Variants in SEMA5A observed in about 807,000 individuals in gnomAD.
SEMA5A encodes the protein semaphorin-5A.
In SEMA5A, 55 loss-of-function variants were observed where a neutral mutation model predicts 135.5. The observed-to-expected ratio is 0.41, with a 90% CI of 0.33 to 0.51. The LOEUF (loss-of-function observed/expected upper bound fraction) is 0.51. SEMA5A is among the 20% of genes least tolerant of loss of function. SEMA5A has a pLI of 0.37. For synonymous variants in SEMA5A, 580 were observed against 546.5 expected (o/e 1.06, Z -0.85); for missense variants, 1,290 against 1,419.9 (o/e 0.91, Z 1.47).
At chr5:9,282,579 C>A (rs1461737501) in intron 5 of SEMA5A, among the ~76,000 whole-genome samples, 3 of 152,092 alleles carry the variant, frequency 2.0e-5, no homozygotes, top group African/African-American at 7.2e-5. Flanking sequence ...ATACCTAAAT[C>A]CTAAATACTT....
chr5:9,529,239 A>T (rs533554785), intron 1 of SEMA5A, among the ~76,000 whole-genome samples: 2 of 152,324 alleles, frequency 1.3e-5, no homozygotes, highest in African/African-American at 4.8e-5. Context: ...ACCCACCTGC[A>T]CCTGCCAGCT....
chr5:9,197,764 GTGTGTGTGTGTGTGTGTGTGTTTT>G lies in SEMA5A; in HGVS notation c.933-485_933-462del, dbSNP rs1182299538. On this transcript the variant is annotated intron_variant, in intron 9 of 22. Coordinates refer to ENST00000382496, the MANE Select transcript of SEMA5A (RefSeq NM_003966.3). ...TGTGTGTGTGTGTGTGTGTGTGTGT[GTGTGTGTGTGTGTGTGTGTGTTTT>G]AACCCAGATATTTGTTTTATTTGTC... 2.8e-3 allele frequency among the ~76,000 whole-genome samples: 398 copies of G among 144,030 alleles called. 4 individuals carry two copies. Among genetic ancestry groups the G allele is most frequent in the African/African-American group, 0.01 (385 of 37,580 alleles). 94.5% of individuals were successfully genotyped at this position (144,030 alleles called of 152,430 possible).
intron 1 of SEMA5A, among the ~76,000 whole-genome samples, chr5:9,485,074 G>A (rs1292942447): frequency 6.6e-6 from 1 of 152,106 alleles, no homozygotes; most frequent in Admixed American, 6.6e-5. Context: ...TTAGACTAAT[G>A]TAATTATTCA....
intron 1 of SEMA5A, among the ~76,000 whole-genome samples, chr5:9,503,429 T>A (rs1735696730): frequency 6.6e-6 from 1 of 152,190 alleles, no homozygotes; most frequent in Non-Finnish European, 1.5e-5. Context: ...GACTATCTAT[T>A]TCCATGAAAA....
chr5:9,450,779 A>G (rs1196343296), intron 1 of SEMA5A, among the ~76,000 whole-genome samples: 1 of 152,154 alleles, frequency 6.6e-6, no homozygotes, highest in African/African-American at 2.4e-5. Flanking sequence ...AAGAAACGGA[A>G]AATAGTTTTA....
At chr5:9,103,184 C>T (rs1739722891) in intron 16 of SEMA5A, among the ~76,000 whole-genome samples, 1 of 152,064 alleles carries the variant, frequency 6.6e-6, no homozygotes, top group Non-Finnish European at 1.5e-5. Context: ...TTTTTGGGTA[C>T]CTAACTGGTT....
intron 5 of SEMA5A, among the ~76,000 whole-genome samples, chr5:9,253,188 T>C (rs1309357841): frequency 6.6e-6 from 1 of 152,164 alleles, no homozygotes; most frequent in East Asian, 1.9e-4. Flanking sequence ...AAACAAGTAA[T>C]GCTAACAGAG....
chr5:9,460,732 T>C (rs1227689430), intron 1 of SEMA5A, among the ~76,000 whole-genome samples: 2 of 152,208 alleles, frequency 1.3e-5, no homozygotes, highest in African/African-American at 4.8e-5. Context: ...AAGGGATTGC[T>C]ATCTTCTAAA....
chr5:9,074,705 T>C (rs898600211), intron 16 of SEMA5A, among the ~76,000 whole-genome samples: 1 of 152,130 alleles, frequency 6.6e-6, no homozygotes, highest in Non-Finnish European at 1.5e-5. Context: ...AACAAAGATA[T>C]GTGATGGCAA....
At chr5:9,326,686 G>T (rs538795046) in intron 4 of SEMA5A, among the ~76,000 whole-genome samples, 2 of 152,096 alleles carry the variant, frequency 1.3e-5, no homozygotes, top group South Asian at 4.2e-4. Context: ...GGAGGCTGAG[G>T]CACGAGAATC....
rs529504980 is a variant in SEMA5A at position 9,044,558 on chromosome 5, C to A, written c.2920G>T (p.Val974Leu). ...GEFNMFHMIAVGLSSSILGCL... is the reference protein window; with the variant it reads ...GEFNMFHMIALGLSSSILGCL... ...CCGAGGATGGAGCTGCTCAGCCCCA[C>A]GGCGATCATGTGGAACATGTTGAAC... The change falls in exon 22 of 23, where the codon GTG (valine) becomes TTG (leucine). Residue 974 changes from valine to leucine, a missense_variant. Val to Leu is a conservative substitution (Grantham distance 32). Coordinates refer to ENST00000382496, the MANE Select transcript of SEMA5A (RefSeq NM_003966.3). The A allele has an allele frequency of 6.2e-7, 1 of 1,613,930 alleles. No homozygotes were observed. The highest frequency in any genetic ancestry group is 1.1e-5 in the South Asian group (1 of 91,062).
intron 18 of SEMA5A, among the ~76,000 whole-genome samples, chr5:9,059,321 T>C (rs1420806035): frequency 6.6e-6 from 1 of 152,156 alleles, no homozygotes; most frequent in African/African-American, 2.4e-5. Flanking sequence ...CTAAATCAAA[T>C]ATGCATTGAG....
At chr5:9,268,956 A>C (rs1749826110) in intron 5 of SEMA5A, among the ~76,000 whole-genome samples, 1 of 152,142 alleles carries the variant, frequency 6.6e-6, no homozygotes, top group Non-Finnish European at 1.5e-5. Context: ...ATCAAGAGCT[A>C]GGAAGGCATA....
chr5:9,126,560 A>AC, intron 13 of SEMA5A, among the ~76,000 whole-genome samples: 1 of 151,820 alleles, frequency 6.6e-6, no homozygotes, highest in Non-Finnish European at 1.5e-5. Flanking sequence ...TGACAGCAAA[A>AC]AAAAAAAAAG....
chr5:9,357,249 A>G (rs1298552638), intron 3 of SEMA5A, among the ~76,000 whole-genome samples: 1 of 152,222 alleles, frequency 6.6e-6, no homozygotes, highest in Non-Finnish European at 1.5e-5. Context: ...GAGATTTTAG[A>G]ACTCCTTAAA....
intron 3 of SEMA5A, among the ~76,000 whole-genome samples, chr5:9,353,041 AGAAG>A (rs1490182442): frequency 7.0e-6 from 1 of 143,710 alleles, no homozygotes; most frequent in East Asian, 2.0e-4. Flanking sequence ...GAACAAAAGA[AGAAG>A]GAAGGAAAGG....
intron 1 of SEMA5A, among the ~76,000 whole-genome samples, chr5:9,494,293 T>C (rs1474846142): frequency 1.3e-5 from 2 of 152,178 alleles, no homozygotes; most frequent in Non-Finnish European, 2.9e-5. Flanking sequence ...AAGACAATCA[T>C]AGAAATAGAA....
At chr5:9,224,076 G>T (rs1747157089) in intron 8 of SEMA5A, among the ~76,000 whole-genome samples, 3 of 152,268 alleles carry the variant, frequency 2.0e-5, no homozygotes, top group African/African-American at 7.2e-5. Context: ...CACAAGCAGA[G>T]GTGGCCTGAG....
intron 1 of SEMA5A, among the ~76,000 whole-genome samples, chr5:9,468,664 A>C (rs966871770): frequency 6.6e-5 from 10 of 151,834 alleles, no homozygotes; most frequent in African/African-American, 9.7e-5. Context: ...CCATCCAAAA[A>C]TCTGATTTAA....
Sources: allele counts gnomAD v4.1 joint callset (sites outside exome capture counted in the v4.1 genomes callset), GRCh38; gene constraint gnomAD v4.1.1; transcripts MANE v1.5; gene names NCBI Gene and HGNC (gene_info 2026-07-23, HGNC 2026-07-21).